The following CYREN variants were observed in gnomAD, a reference collection of about 807,000 sequenced individuals.
CYREN encodes the protein cell cycle regulator of non-homologous end joining.
Under a neutral mutation model 9.7 loss-of-function variants are expected in CYREN, and 7 were observed. The ratio of observed to expected loss-of-function variants is 0.72; its 90% CI spans 0.41 to 1.36. The LOEUF is 1.36. CYREN is among the 40% of genes most tolerant of loss of function. The probability of loss-of-function intolerance (pLI) is 0.01; values close to 1 mark genes in which losing one functional copy is unlikely to be tolerated. For missense variants in CYREN, 215 were observed against 198.1 expected (o/e 1.09, Z -0.51); for synonymous variants, 76 against 77.9 (o/e 0.98, Z 0.13).
At chr7:135,162,066 C>T (rs1435025426), downstream of CYREN, among the ~76,000 whole-genome samples, 3 of 152,230 alleles carry the variant, frequency 2.0e-5, no homozygotes, top group African/African-American at 4.8e-5. Flanking sequence ...TTGGCATACA[C>T]CTAGGTCCTT....
intron 2 of CYREN, among the ~76,000 whole-genome samples, chr7:135,150,199 C>T (rs951367579): frequency 1.3e-5 from 2 of 152,182 alleles, no homozygotes; most frequent in Non-Finnish European, 2.9e-5. Flanking sequence ...TTCTAGTTAG[C>T]TGATCAATTG....
chr7:135,144,535 A>G (rs920213450), intron 2 of CYREN, among the ~76,000 whole-genome samples: 1 of 152,284 alleles, frequency 6.6e-6, no homozygotes, highest in East Asian at 1.9e-4. Context: ...ACCATAGGCC[A>G]GCTAGGTTGC....
intron 2 of CYREN, among the ~76,000 whole-genome samples, chr7:135,103,988 C>G (rs1415917764): frequency 6.6e-6 from 1 of 151,970 alleles, no homozygotes; most frequent in East Asian, 1.9e-4. Flanking sequence ...TATAGGTAAA[C>G]TTATGTCATG....
chr7:135,106,022 AT>A (rs929410917), intron 2 of CYREN, among the ~76,000 whole-genome samples: 11 of 151,902 alleles, frequency 7.2e-5, no homozygotes, highest in African/African-American at 2.7e-4. Flanking sequence ...TGTGTTCCTG[AT>A]TTGGCTCTCG....
At chr7:135,129,200 C>G in intron 2 of CYREN, 1 of 1,422,198 alleles carries the variant, frequency 7.0e-7, no homozygotes, top group Non-Finnish European at 9.9e-7. Context: ...ACTGCCCCCA[C>G]GCATGCTGCC....
chr7:135,127,353 G>A lies in CYREN; in HGVS notation n.357-32771C>T, dbSNP rs137902552. ...GGGTGGATCACGAGGTCAGAATATCGAGACCATCCTGGCCAACATGAAACC... is the reference window on the plus strand; with the variant it reads ...GGGTGGATCACGAGGTCAGAATATCAAGACCATCCTGGCCAACATGAAACC... On this transcript the variant is annotated intron_variant and non_coding_transcript_variant, in intron 2 of 2. Transcript: ENST00000459937. Among the ~76,000 whole-genome samples the A allele has an allele frequency of 9.7e-3, 1,473 of 151,674 alleles. 19 individuals are homozygous for A. Among genetic ancestry groups the A allele is most frequent in the Non-Finnish European group, 0.012 (812 of 67,870 alleles).
At chr7:135,139,811 C>G (rs1476495294) in intron 2 of CYREN, among the ~76,000 whole-genome samples, 1 of 152,088 alleles carries the variant, frequency 6.6e-6, no homozygotes, top group Non-Finnish European at 1.5e-5. Context: ...TATTCCAGCA[C>G]CATTTATTGA....
exon 3 of CYREN, chr7:135,094,450 G>T (rs770804317): frequency 2.2e-6 from 1 of 456,682 alleles, no homozygotes; most frequent in South Asian, 1.5e-5. Flanking sequence ...ATTGCCAGAG[G>T]CTGAGTGCGC....
intron 2 of CYREN, among the ~76,000 whole-genome samples, chr7:135,137,513 C>G (rs992940944): frequency 6.6e-6 from 1 of 151,700 alleles, no homozygotes; most frequent in African/African-American, 2.4e-5. Context: ...ATGAACGACA[C>G]CAAACCACAG....
chr7:135,111,665 GGTTTTACTCCT>G (rs1183521083), intron 2 of CYREN, among the ~76,000 whole-genome samples: 1 of 151,994 alleles, frequency 6.6e-6, no homozygotes, highest in African/African-American at 2.4e-5. Flanking sequence ...ACTCTCTCCT[GGTTTTACTCCT>G]GTTTCTCTAG....
chr7:135,144,468 A>AT (rs1015313717), intron 2 of CYREN, among the ~76,000 whole-genome samples: 1 of 152,100 alleles, frequency 6.6e-6, no homozygotes, highest in Non-Finnish European at 1.5e-5. Flanking sequence ...AACAATGGAG[A>AT]TTTTGACAGT....
intron 2 of CYREN, chr7:135,168,457 C>A: frequency 2.6e-6 from 1 of 387,270 alleles, no homozygotes; most frequent in Non-Finnish European, 4.7e-6. Flanking sequence ...TCTTGCCCAT[C>A]TGATGTTACC....
rs184594947 is a variant in CYREN, at chr7:135,108,080, C to T, written n.357-13498G>A. On this transcript the variant is annotated intron_variant and non_coding_transcript_variant, in intron 2 of 2. Transcript: ENST00000459937. ...ATTTACTTGGTAGATTCTTCTCCATCCCTTTATTTTGAGCCTATGGGTGTC... is the reference window on the plus strand; with the variant it reads ...ATTTACTTGGTAGATTCTTCTCCATTCCTTTATTTTGAGCCTATGGGTGTC... 2.7e-4 allele frequency among the ~76,000 whole-genome samples: 41 copies of T among 152,180 alleles called. No individual in the cohort carries two copies. The East Asian group carries it at 7.1e-3, about 27-fold the overall frequency.
downstream of CYREN, among the ~76,000 whole-genome samples, chr7:135,163,270 A>G (rs1829994213): frequency 6.6e-6 from 1 of 152,278 alleles, no homozygotes; most frequent in Non-Finnish European, 1.5e-5. Flanking sequence ...CAGTACAGGA[A>G]GAAAATATTG....
intron 2 of CYREN, among the ~76,000 whole-genome samples, chr7:135,132,361 T>C (rs1393387535): frequency 6.6e-6 from 1 of 152,196 alleles, no homozygotes; most frequent in African/African-American, 2.4e-5. Context: ...TAGTTTAATA[T>C]TCAAAAAGTA....
chr7:135,133,963 A>G (rs1256849639), intron 2 of CYREN, among the ~76,000 whole-genome samples: 1 of 152,080 alleles, frequency 6.6e-6, no homozygotes, highest in African/African-American at 2.4e-5. Context: ...GAAAAAAAAA[A>G]GCTGATCCTA....
intron 2 of CYREN, among the ~76,000 whole-genome samples, chr7:135,131,443 T>C (rs1020183309): frequency 1.5e-5 from 2 of 130,296 alleles, no homozygotes; most frequent in African/African-American, 5.6e-5. Context: ...TTAGAAGAAA[T>C]AAAGGAAACA....
chr7:135,135,303 CAT>C (rs1440426560), intron 2 of CYREN: 1 of 1,422,834 alleles, frequency 7.0e-7, no homozygotes, highest in African/African-American at 1.4e-5. Flanking sequence ...TGAAGGATAA[CAT>C]ATGCTTATGT....
At position 135,166,989 on chromosome 7, in the gene CYREN, G is replaced by A. The variant is rs1477112965; in HGVS notation, c.214-118C>T. 20 of 1,515,694 alleles carry A rather than the reference G, an allele frequency of 1.3e-5. No homozygotes were observed. The Admixed American group carries it at 2.6e-4, about 20-fold the overall frequency. 93.9% of individuals were successfully genotyped at this position (1,515,694 alleles called of 1,614,324 possible). ...CTACAAAGCCAATGTGACCAGGCCA[G>A]GCAATGTACCCATATCCTGAGCACC... On this transcript the variant is annotated intron_variant, in intron 3 of 3. Transcript: ENST00000393114.
Sources: gnomAD v4.1 joint callset for allele counts (sites outside exome capture counted in the v4.1 genomes callset) on GRCh38, gnomAD v4.1.1 for gene constraint, MANE v1.5 for transcripts, NCBI Gene and HGNC (gene_info 2026-07-23, HGNC 2026-07-21) for gene names.